The following FOXP1 variants were observed in gnomAD, a reference collection of about 807,000 sequenced individuals.
FOXP1 encodes forkhead box P1.
Under a neutral mutation model 98.2 loss-of-function variants are expected in FOXP1, and 15 were observed. That is an observed-to-expected ratio of 0.15 (90% CI 0.10 to 0.24). The LOEUF is 0.24. Among genes scored for constraint, FOXP1 ranks in the 10% least tolerant of loss-of-function variants. FOXP1 has a pLI of 1.00. For missense variants in FOXP1, 633 were observed against 848.5 expected (o/e 0.75, Z 3.15); for synonymous variants, 371 against 314.5 (o/e 1.18, Z -1.90).
chr3:71,223,162 A>G (rs1394899801), intron 5 of FOXP1, among the ~76,000 whole-genome samples: 1 of 152,178 alleles, frequency 6.6e-6, no homozygotes, highest in African/African-American at 2.4e-5. Flanking sequence ...TTCTAAAAAG[A>G]GTCTCAACTC....
chr3:71,138,765 A>G (rs2059933087), intron 6 of FOXP1, among the ~76,000 whole-genome samples: 1 of 152,236 alleles, frequency 6.6e-6, no homozygotes, highest in Non-Finnish European at 1.5e-5. Context: ...ATAGGAGCAC[A>G]TTCACTGGCA....
intron 6 of FOXP1, among the ~76,000 whole-genome samples, chr3:71,152,424 A>C (rs1251061648): frequency 6.6e-6 from 1 of 152,206 alleles, no homozygotes; most frequent in Non-Finnish European, 1.5e-5. Context: ...GTTTGAAGCT[A>C]TTAAGTTTGT....
At chr3:71,063,534 A>G (rs566597671) in intron 7 of FOXP1, among the ~76,000 whole-genome samples, 1 of 152,378 alleles carries the variant, frequency 6.6e-6, no homozygotes, top group Non-Finnish European at 1.5e-5. Context: ...ACAGCAAAAC[A>G]GGGCCGCTTT....
chr3:71,408,957 A>G (rs1295012448), intron 3 of FOXP1, among the ~76,000 whole-genome samples: 1 of 152,230 alleles, frequency 6.6e-6, no homozygotes, highest in Non-Finnish European at 1.5e-5. Flanking sequence ...TAGCTTATTT[A>G]GCACCTCATT....
intron 2 of FOXP1, among the ~76,000 whole-genome samples, chr3:71,549,860 TAAAAAAAA>T (rs55826932): frequency 1.7e-5 from 1 of 59,896 alleles, no homozygotes; most frequent in Admixed American, 2.1e-4. Context: ...ATGCTGGGAG[TAAAAAAAA>T]AAAAAAAAAA....
At chr3:71,094,053 A>G (rs1014487784) in intron 7 of FOXP1, among the ~76,000 whole-genome samples, 8 of 152,154 alleles carry the variant, frequency 5.3e-5, no homozygotes, top group Non-Finnish European at 1.0e-4. Context: ...GGTGTCCTAG[A>G]GACCAAACCT....
intron 11 of FOXP1, among the ~76,000 whole-genome samples, chr3:71,032,213 C>G (rs150988398): frequency 1.2e-4 from 19 of 152,372 alleles, no homozygotes; most frequent in African/African-American, 4.6e-4. Context: ...CTGTAAAACT[C>G]TTGGCGACAT....
At chr3:71,331,086 C>T (rs2076262478) in intron 4 of FOXP1, among the ~76,000 whole-genome samples, 1 of 152,212 alleles carries the variant, frequency 6.6e-6, no homozygotes, top group African/African-American at 2.4e-5. Context: ...CCTTTCTGGG[C>T]TAGCCAAGGC....
intron 11 of FOXP1, among the ~76,000 whole-genome samples, chr3:71,031,030 G>A (rs1013052027): frequency 2.0e-5 from 3 of 152,046 alleles, no homozygotes; most frequent in African/African-American, 7.3e-5. Flanking sequence ...TGGAGTGTTC[G>A]CTTTTTGGAT....
chr3:71,301,147 A>G (rs1362279533), intron 4 of FOXP1, among the ~76,000 whole-genome samples: 1 of 152,210 alleles, frequency 6.6e-6, no homozygotes, highest in Non-Finnish European at 1.5e-5. Flanking sequence ...AATTTTCACC[A>G]TTTGGGTGGG....
Position 70,972,548 on chromosome 3 carries a change from G to T in FOXP1, c.1652+7C>A, listed in dbSNP as rs1345918479. On this transcript the variant is annotated splice_region_variant and intron_variant, in intron 18 of 20. Coordinates refer to ENST00000649528, the MANE Select transcript of FOXP1 (RefSeq NM_001349338.3). ...TAGGCTAAGAAGTTCAAACATGGTG[G>T]ACGTACCCACTGATCTTTTGTGGCC... The T allele has an allele frequency of 6.2e-7, 1 of 1,614,078 alleles. No homozygotes were observed. Among genetic ancestry groups the T allele is most frequent in the Non-Finnish European group, 8.5e-7 (1 of 1,180,038 alleles).
chr3:71,526,234 T>C (rs1051033836), intron 2 of FOXP1, among the ~76,000 whole-genome samples: 1 of 152,204 alleles, frequency 6.6e-6, no homozygotes, highest in African/African-American at 2.4e-5. Flanking sequence ...TGATACATGA[T>C]GAGCTAAAAA....
rs551301069 is a variant in FOXP1 at position 71,361,463 on chromosome 3, A to G, written c.-167-2219T>C. Among the ~76,000 whole-genome samples the G allele has an allele frequency of 5.9e-5, 9 of 152,252 alleles. No homozygotes were observed. In the South Asian group the frequency reaches 1.9e-3, roughly 32 times the overall value. On this transcript the variant is annotated intron_variant, in intron 3 of 20. Transcript: ENST00000649528. The stretch of plus-strand genomic sequence containing the variant: ...TTGGAAAACTTTTCTCCCCTTTATT[A>G]TCTACTTGTAAAATGTTATAAGCCT...
chr3:71,379,903 G>A (rs1252691138), intron 3 of FOXP1, among the ~76,000 whole-genome samples: 2 of 152,196 alleles, frequency 1.3e-5, no homozygotes, highest in African/African-American at 4.8e-5. Flanking sequence ...TCATCTAGCT[G>A]TGGCAACTGA....
intron 5 of FOXP1, among the ~76,000 whole-genome samples, chr3:71,298,601 T>C (rs2107549442): frequency 6.6e-6 from 1 of 152,348 alleles, no homozygotes; most frequent in South Asian, 2.1e-4. Flanking sequence ...CTGAAACGTA[T>C]GTTTGTCCTC....
At chr3:71,422,610 G>A (rs985666966) in intron 3 of FOXP1, among the ~76,000 whole-genome samples, 1 of 152,180 alleles carries the variant, frequency 6.6e-6, no homozygotes. Flanking sequence ...AAATGAATCT[G>A]AAGTGTGGGG....
intron 4 of FOXP1, among the ~76,000 whole-genome samples, chr3:71,320,932 G>A (rs1163948054): frequency 2.0e-5 from 3 of 152,012 alleles, no homozygotes; most frequent in African/African-American, 7.2e-5. Flanking sequence ...GATATAATTT[G>A]AACAAAAACT....
At chr3:71,048,146 A>C (rs9829617) in intron 9 of FOXP1, among the ~76,000 whole-genome samples, 5 of 152,174 alleles carry the variant, frequency 3.3e-5, no homozygotes, top group Non-Finnish European at 7.4e-5. Flanking sequence ...AGCAAAAAAA[A>C]AAGAAAAGTT....
chr3:71,575,442 T>TAC (rs918886083), intron 2 of FOXP1, among the ~76,000 whole-genome samples: 8 of 151,786 alleles, frequency 5.3e-5, no homozygotes, highest in Admixed American at 1.3e-4. Flanking sequence ...TTTAATAACC[T>TAC]ACACACACAC....
Sources: allele counts gnomAD v4.1 joint callset (sites outside exome capture counted in the v4.1 genomes callset), GRCh38; gene constraint gnomAD v4.1.1; transcripts MANE v1.5; gene names NCBI Gene and HGNC (gene_info 2026-07-23, HGNC 2026-07-21).